MACROD2: variants seen among roughly 807,000 people sequenced by gnomAD.
MACROD2 encodes the protein ADP-ribose glycohydrolase MACROD2.
MACROD2 carries 36 observed loss-of-function variants against 70.4 expected under a neutral mutation model. That is an observed-to-expected ratio of 0.51 (90% CI 0.39 to 0.68). The LOEUF is 0.68. MACROD2 is among the 30% of genes least tolerant of loss of function. The probability of loss-of-function intolerance (pLI) is 0.00; values close to 1 mark genes in which losing one functional copy is unlikely to be tolerated. For missense variants in MACROD2, 496 were observed against 538.4 expected, an observed-to-expected ratio of 0.92 and a Z score of 0.78; for synonymous variants, 172 against 178.8, an observed-to-expected ratio of 0.96 and a Z score of 0.30.
At position 15,021,248 on chromosome 20, in the gene MACROD2, A is replaced by T. The variant is rs1440682266; in HGVS notation, c.419-208692A>T. 7.5e-5 allele frequency among the ~76,000 whole-genome samples: 4 copies of T among 53,342 alleles called. 1 individual carries two copies. Among genetic ancestry groups the T allele is most frequent in the African/African-American group, 3.7e-4 (4 of 10,934 alleles). 35.0% of individuals were successfully genotyped at this position (53,342 alleles called of 152,430 possible). A position where few individuals can be genotyped will look rare whatever the true frequency, so the allele number is the denominator to read the frequency against. Reference sequence around the variant, plus strand: ...TGTGCGTATACACACACCTGTGTGTATGTATACACACACCTGTGTGTGTGT... The same window carrying T: ...TGTGCGTATACACACACCTGTGTGTTTGTATACACACACCTGTGTGTGTGT... On this transcript the variant is annotated intron_variant, in intron 5 of 17. Transcript: ENST00000684519.
At position 16,003,111 on chromosome 20, in the gene MACROD2, CACACACACACAA is replaced by C. The variant is rs769775561; in HGVS notation, c.1153+15957_1153+15968del. On this transcript the variant is annotated intron_variant, in intron 15 of 17. Coordinates refer to ENST00000684519, the MANE Select transcript of MACROD2 (RefSeq NM_001351661.2). ...ACACACACACACACACACACACACA[CACACACACACAA>C]ACAATCTCTACCCTCAAGGGGAAGC... 1.7e-3 allele frequency among the ~76,000 whole-genome samples: 250 copies of C among 147,574 alleles called. 2 individuals are homozygous for C. The highest frequency in any genetic ancestry group is 2.5e-3 in the Non-Finnish European group (170 of 67,366).
At position 15,734,077 on chromosome 20, in the gene MACROD2, G is replaced by C. The variant is rs566482526; in HGVS notation, c.646-128668G>C. On this transcript the variant is annotated intron_variant, in intron 8 of 17. Coordinates refer to ENST00000684519, the MANE Select transcript of MACROD2 (RefSeq NM_001351661.2). ...TAACTCTGATCTGGGCAAGGGAGAG[G>C]GGGCAGGAATATCAGACAAATTTTA... Among the ~76,000 whole-genome samples the C allele has an allele frequency of 9.2e-5, 14 of 152,174 alleles. No homozygotes were observed. The South Asian group carries it at 2.7e-3, about 29-fold the overall frequency.
At chr20:14,788,365 G>C (rs2072400961) in intron 5 of MACROD2, among the ~76,000 whole-genome samples, 1 of 151,848 alleles carries the variant, frequency 6.6e-6, no homozygotes, top group Non-Finnish European at 1.5e-5. Context: ...CGGGCGGATT[G>C]CTTGAGTCCA....
At chr20:14,856,406 G>A (rs2073256078) in intron 5 of MACROD2, among the ~76,000 whole-genome samples, 1 of 152,154 alleles carries the variant, frequency 6.6e-6, no homozygotes, top group Admixed American at 6.6e-5. Context: ...GGGAAATCCA[G>A]TTATAAAAGC....
chr20:14,204,202 T>C (rs1354152888), intron 3 of MACROD2, among the ~76,000 whole-genome samples: 1 of 152,182 alleles, frequency 6.6e-6, no homozygotes, highest in South Asian at 2.1e-4. Flanking sequence ...CTCTGGAGAA[T>C]GCATGCTTCA....
intron 5 of MACROD2, among the ~76,000 whole-genome samples, chr20:15,193,134 C>A (rs564278904): frequency 6.6e-6 from 1 of 152,312 alleles, no homozygotes; most frequent in African/African-American, 2.4e-5. Context: ...CTCCCATCTT[C>A]TTTCTCTTCT....
intron 5 of MACROD2, among the ~76,000 whole-genome samples, chr20:14,785,541 C>G (rs1423123300): frequency 1.3e-5 from 2 of 152,008 alleles, no homozygotes; most frequent in Non-Finnish European, 2.9e-5. Flanking sequence ...TACTGGCAAG[C>G]CTCTTTCAAT....
chr20:15,636,071 C>CAAAA (rs1178846767), intron 8 of MACROD2, among the ~76,000 whole-genome samples: 7 of 27,934 alleles, frequency 2.5e-4, no homozygotes, highest in African/African-American at 5.9e-4. Flanking sequence ...GGCTCCCTCT[C>CAAAA]AAAAGAAAAA....
intron 5 of MACROD2, among the ~76,000 whole-genome samples, chr20:14,880,556 T>A (rs1338323684): frequency 1.3e-5 from 2 of 152,100 alleles, no homozygotes; most frequent in Non-Finnish European, 2.9e-5. Context: ...CACAGGGACC[T>A]CTCTAAAGAG....
intron 2 of MACROD2, among the ~76,000 whole-genome samples, chr20:14,015,810 T>C (rs536153350): frequency 6.6e-6 from 1 of 152,362 alleles, no homozygotes; most frequent in East Asian, 1.9e-4. Flanking sequence ...GTAAGAATTT[T>C]ATTATTTTTA....
At chr20:14,985,503 C>G (rs1485825736) in intron 5 of MACROD2, among the ~76,000 whole-genome samples, 1 of 151,958 alleles carries the variant, frequency 6.6e-6, no homozygotes, top group East Asian at 1.9e-4. Flanking sequence ...ACTTGACAAG[C>G]CTTTTAGGTC....
chr20:15,640,153 AAG>A (rs1007225958), intron 8 of MACROD2, among the ~76,000 whole-genome samples: 7 of 151,962 alleles, frequency 4.6e-5, no homozygotes, highest in African/African-American at 1.7e-4. Context: ...AAGAGAGAAA[AAG>A]AGATGTGAGG....
At chr20:15,851,025 A>C (rs1252634956) in intron 8 of MACROD2, among the ~76,000 whole-genome samples, 1 of 152,078 alleles carries the variant, frequency 6.6e-6, no homozygotes, top group Non-Finnish European at 1.5e-5. Flanking sequence ...GGCTGCTGCC[A>C]CTCAGAACGT....
chr20:15,834,967 G>C (rs2064097023), intron 8 of MACROD2, among the ~76,000 whole-genome samples: 1 of 152,126 alleles, frequency 6.6e-6, no homozygotes, highest in African/African-American at 2.4e-5. Flanking sequence ...GTTATAAAAG[G>C]CTTTTGCAGC....
intron 7 of MACROD2, among the ~76,000 whole-genome samples, chr20:15,453,217 T>TTCTC (rs71190186): frequency 6.9e-4 from 105 of 151,116 alleles, no homozygotes; most frequent in Non-Finnish European, 1.1e-3. Flanking sequence ...GTTTTCCCCT[T>TTCTC]TCTCTCTCTC....
intron 5 of MACROD2, among the ~76,000 whole-genome samples, chr20:14,991,381 A>C (rs1209702222): frequency 6.6e-6 from 1 of 152,186 alleles, no homozygotes; most frequent in Non-Finnish European, 1.5e-5. Context: ...TACAGTGAGA[A>C]AAATAAGAAA....
chr20:14,659,683 G>C (rs187653689), intron 4 of MACROD2, among the ~76,000 whole-genome samples: 2 of 152,228 alleles, frequency 1.3e-5, no homozygotes, highest in African/African-American at 4.8e-5. Flanking sequence ...CAAATGCTGG[G>C]TGGCATGCCC....
intron 7 of MACROD2, among the ~76,000 whole-genome samples, chr20:15,467,279 A>G (rs1489418305): frequency 2.0e-5 from 3 of 152,190 alleles, no homozygotes; most frequent in Non-Finnish European, 4.4e-5. Flanking sequence ...CCATTTCCCA[A>G]AGTTTCCCAG....
At chr20:14,052,717 C>T (rs937267685) in intron 2 of MACROD2, among the ~76,000 whole-genome samples, 3 of 151,944 alleles carry the variant, frequency 2.0e-5, no homozygotes, top group Non-Finnish European at 1.5e-5. Context: ...TTTTGCAAAC[C>T]ATATGTCAGG....
Sources: allele counts gnomAD v4.1 joint callset (sites outside exome capture counted in the v4.1 genomes callset), GRCh38; gene constraint gnomAD v4.1.1; transcripts MANE v1.5; gene names NCBI Gene and HGNC (gene_info 2026-07-23, HGNC 2026-07-21).